The following MAF variants were observed in gnomAD, a reference collection of about 807,000 sequenced individuals.
MAF encodes transcription factor Maf.
MAF carries 10 observed loss-of-function variants against 22.0 expected under a neutral mutation model. That is an observed-to-expected ratio of 0.45 (90% CI 0.28 to 0.77). The LOEUF is 0.77. Ranked by LOEUF, MAF falls within the 30% of genes least tolerant of loss-of-function variation. The pLI, the probability that MAF is intolerant of heterozygous loss-of-function variation, is 0.12. For missense variants in MAF, 544 were observed against 548.4 expected (o/e 0.99, Z 0.08); for synonymous variants, 337 against 255.8 (o/e 1.32, Z -3.03).
chr16:79,594,465 T>C lies in MAF; in HGVS notation c.1207A>G (p.Lys403Glu), dbSNP rs1913384276. The change falls in exon 2 of 2, where the codon AAA becomes GAA. Residue 403 changes from lysine (K) to glutamate (E), a missense_variant. Lys to Glu is a moderately conservative substitution (Grantham distance 56, BLOSUM62 1). Coordinates refer to ENST00000326043, the MANE Select transcript of MAF (RefSeq NM_005360.5). ...QHRVLTSVFTK is the reference protein window; with the variant it reads ...QHRVLTSVFTE ...GTACAGCTCTCACACAAATTTCATT[T>C]TGTGAACACACTGGTAAGTACACGA... 3.2e-6 allele frequency: 5 copies of C among 1,557,662 alleles called. No homozygotes were observed. Among genetic ancestry groups the C allele is most frequent in the Non-Finnish European group, 4.4e-6 (5 of 1,149,132 alleles).
chr16:79,300,381 C>A, the MAF span, among the ~76,000 whole-genome samples: 1 of 152,020 alleles, frequency 6.6e-6, no homozygotes, highest in Admixed American at 6.6e-5. Flanking sequence ...ATGGTGAAAC[C>A]CCGTCTCTAC....
At chr16:79,542,639 G>A in the MAF span, among the ~76,000 whole-genome samples, 5 of 152,316 alleles carry the variant, frequency 3.3e-5, no homozygotes, top group Non-Finnish European at 5.9e-5. Context: ...TAGCAAAGCC[G>A]CTCTTGGCCT....
the MAF span, among the ~76,000 whole-genome samples, chr16:79,384,898 C>G: frequency 6.6e-6 from 1 of 152,176 alleles, no homozygotes; most frequent in Non-Finnish European, 1.5e-5. Context: ...AAACAAAATT[C>G]TAAGGCAAGT....
the MAF span, among the ~76,000 whole-genome samples, chr16:79,473,274 G>C: frequency 1.3e-5 from 2 of 152,112 alleles, no homozygotes; most frequent in Non-Finnish European, 2.9e-5. Context: ...CAAAAGGAAT[G>C]AATGGAGGAA....
At chr16:79,383,275 C>T in the MAF span, among the ~76,000 whole-genome samples, 9 of 152,042 alleles carry the variant, frequency 5.9e-5, no homozygotes, top group South Asian at 6.2e-4. Flanking sequence ...CCATTTTAGA[C>T]GGTTGTTCAG....
chr16:79,205,327 C>G, the MAF span: 1 of 152,358 alleles, frequency 6.6e-6, no homozygotes, highest in Middle Eastern at 3.4e-3. Context: ...GGGAATGACA[C>G]TCTTCACCTG....
At chr16:79,398,797 TCTC>T in the MAF span, among the ~76,000 whole-genome samples, 3 of 152,282 alleles carry the variant, frequency 2.0e-5, no homozygotes, top group Admixed American at 2.0e-4. Context: ...TTTTTGCACT[TCTC>T]CTACTCAACC....
At chr16:79,458,990 A>G in the MAF span, among the ~76,000 whole-genome samples, 40 of 152,280 alleles carry the variant, frequency 2.6e-4, no homozygotes, top group Admixed American at 2.1e-3. Flanking sequence ...TTTCTTTCCC[A>G]GATTTCCTGG....
the MAF span, among the ~76,000 whole-genome samples, chr16:79,256,048 C>G: frequency 3.7e-5 from 5 of 133,990 alleles, no homozygotes; most frequent in African/African-American, 1.5e-4. Context: ...GTGGTGCGAT[C>G]TCAGCTCACT....
chr16:79,248,530 T>C, the MAF span, among the ~76,000 whole-genome samples: 558 of 152,306 alleles, frequency 3.7e-3, 3 homozygotes, highest in African/African-American at 0.013. Flanking sequence ...AATTGTAACA[T>C]GGGTTGGACT....
At chr16:79,226,772 C>T in the MAF span, among the ~76,000 whole-genome samples, 2 of 151,948 alleles carry the variant, frequency 1.3e-5, no homozygotes, top group Non-Finnish European at 2.9e-5. Flanking sequence ...AAGGTATGCT[C>T]TAATAGTTTT....
the MAF span, among the ~76,000 whole-genome samples, chr16:79,550,518 T>G: frequency 6.6e-6 from 1 of 152,106 alleles, no homozygotes; most frequent in Non-Finnish European, 1.5e-5. Flanking sequence ...ATGTGACCCA[T>G]TGGGACAGAT....
the MAF span, among the ~76,000 whole-genome samples, chr16:79,215,844 C>T: frequency 6.6e-6 from 1 of 152,206 alleles, no homozygotes; most frequent in Non-Finnish European, 1.5e-5. Flanking sequence ...CAACGTCCTA[C>T]TCCACTTTAT....
chr16:79,334,838 AGTGTGT>A, the MAF span, among the ~76,000 whole-genome samples: 5 of 147,208 alleles, frequency 3.4e-5, no homozygotes, highest in East Asian at 2.0e-4. Context: ...ACGTCAATAA[AGTGTGT>A]GTGTGTGTGT....
the MAF span, among the ~76,000 whole-genome samples, chr16:79,271,956 T>C: frequency 6.6e-5 from 10 of 152,186 alleles, no homozygotes; most frequent in Admixed American, 5.2e-4. Flanking sequence ...ACACAGGATA[T>C]GGGATCCAAG....
chr16:79,234,943 A>G, the MAF span, among the ~76,000 whole-genome samples: 3 of 152,052 alleles, frequency 2.0e-5, no homozygotes, highest in African/African-American at 4.8e-5. Context: ...GCCATTCACC[A>G]TGAGAGAAAC....
the MAF span, among the ~76,000 whole-genome samples, chr16:79,268,131 T>C: frequency 6.6e-6 from 1 of 152,024 alleles, no homozygotes; most frequent in South Asian, 2.1e-4. Context: ...GCCCCCAGAG[T>C]GGCCTCGTTG....
chr16:79,230,457 G>A, the MAF span, among the ~76,000 whole-genome samples: 2 of 152,126 alleles, frequency 1.3e-5, no homozygotes, highest in Non-Finnish European at 2.9e-5. Flanking sequence ...CCCTTGCCCG[G>A]GTGGGCGGTC....
chr16:79,456,531 G>A, the MAF span, among the ~76,000 whole-genome samples: 5 of 152,196 alleles, frequency 3.3e-5, no homozygotes, highest in South Asian at 6.2e-4. Context: ...TTTGCTGAAT[G>A]AGCATAGATT....
Sources: allele counts gnomAD v4.1 joint callset (sites outside exome capture counted in the v4.1 genomes callset), GRCh38; gene constraint gnomAD v4.1.1; transcripts MANE v1.5; gene names NCBI Gene and HGNC (gene_info 2026-07-23, HGNC 2026-07-21).